The following STOX2 variants were observed in gnomAD, a reference collection of about 807,000 sequenced individuals.
STOX2 encodes the protein storkhead box 2.
STOX2 carries 28 observed loss-of-function variants against 60.9 expected under a neutral mutation model. The observed-to-expected ratio is 0.46, with a 90% confidence interval of 0.34 to 0.63. The LOEUF (loss-of-function observed/expected upper bound fraction) is 0.63, where lower values mean the gene tolerates loss of function less well. Among genes scored for constraint, STOX2 ranks in the 30% least tolerant of loss-of-function variants. The pLI is 0.01. For missense variants in STOX2, 1,024 were observed against 1,187.7 expected, an observed-to-expected ratio of 0.86 and a Z score of 2.03; for synonymous variants, 472 against 463.9, an observed-to-expected ratio of 1.02 and a Z score of -0.22.
chr4:183,842,163 T>G (rs1345455459), intron 1 of STOX2, among the ~76,000 whole-genome samples: 1 of 152,230 alleles, frequency 6.6e-6, no homozygotes, highest in Non-Finnish European at 1.5e-5. Context: ...GAGACCAGTC[T>G]TCTTACTGGC....
chr4:183,982,743 G>C (rs938204387), intron 1 of STOX2, among the ~76,000 whole-genome samples: 1 of 152,184 alleles, frequency 6.6e-6, no homozygotes, highest in Non-Finnish European at 1.5e-5. Context: ...TTTCATGTTG[G>C]AAATGTTGGA....
At chr4:183,812,414 C>G (rs1384907568) in intron 1 of STOX2, among the ~76,000 whole-genome samples, 1 of 152,130 alleles carries the variant, frequency 6.6e-6, no homozygotes, top group Admixed American at 6.5e-5. Flanking sequence ...TTAAAAATGT[C>G]TATGCAATTT....
intron 1 of STOX2, among the ~76,000 whole-genome samples, chr4:183,956,439 C>CATCCATCT (rs1553981707): frequency 2.7e-5 from 4 of 145,880 alleles, no homozygotes; most frequent in African/African-American, 5.2e-5. Flanking sequence ...TTCTATCATT[C>CATCCATCT]ATCTATCTAT....
intron 1 of STOX2, among the ~76,000 whole-genome samples, chr4:183,811,789 T>G (rs6820740): frequency 0.27 from 41,686 of 152,162 alleles, 6,689 homozygotes; most frequent in African/African-American, 0.45. Context: ...ATGAATACTT[T>G]AGATATGTCT....
In STOX2 at chr4:183,807,414, A is replaced by G. The variant is rs1246005820; in HGVS notation, c.364+9359A>G. ...GTGTGACCCCTTTGGGATGCTTTCC[A>G]CTCTTGGGACAGTCCTGCAGTCCTT... On this transcript the variant is annotated intron_variant, in intron 1 of 2. Transcript: ENST00000513034. Among the ~76,000 whole-genome samples the G allele has an allele frequency of 3.3e-5, 5 of 151,862 alleles. No individual in the cohort carries two copies. In the South Asian group the frequency reaches 8.3e-4, roughly 25 times the overall value.
chr4:183,816,491 C>A (rs1739157644), intron 1 of STOX2, among the ~76,000 whole-genome samples: 1 of 152,012 alleles, frequency 6.6e-6, no homozygotes, highest in Admixed American at 6.5e-5. Context: ...ACATCAGATA[C>A]CCTAAAAGGA....
intron 1 of STOX2, among the ~76,000 whole-genome samples, chr4:183,829,215 G>T (rs980071458): frequency 1.3e-5 from 2 of 152,168 alleles, no homozygotes; most frequent in African/African-American, 4.8e-5. Flanking sequence ...AATTATATTT[G>T]AGGCATTTAG....
chr4:183,976,607 T>C (rs1450391847), intron 1 of STOX2, among the ~76,000 whole-genome samples: 1 of 152,148 alleles, frequency 6.6e-6, no homozygotes, highest in African/African-American at 2.4e-5. Flanking sequence ...TGTGGGGTAC[T>C]ATGCTCACTA....
intron 1 of STOX2, among the ~76,000 whole-genome samples, chr4:183,818,139 C>T (rs774663354): frequency 2.7e-5 from 4 of 147,384 alleles, no homozygotes; most frequent in South Asian, 2.1e-4. Flanking sequence ...GGGTGTTTCT[C>T]GCAGAGGGGG....
At chr4:183,986,674 G>A (rs760407842) in intron 1 of STOX2, among the ~76,000 whole-genome samples, 10 of 152,232 alleles carry the variant, frequency 6.6e-5, no homozygotes, top group African/African-American at 1.9e-4. Flanking sequence ...GGGTGATGGC[G>A]CAGAAGCGGG....
At chr4:183,993,289 G>T (rs771378579) in intron 1 of STOX2, among the ~76,000 whole-genome samples, 5 of 152,224 alleles carry the variant, frequency 3.3e-5, no homozygotes, top group Admixed American at 1.3e-4. Flanking sequence ...AGCTTCTTCT[G>T]TAGACCAATG....
chr4:183,904,002 C>G (rs1261772830), upstream of STOX2, among the ~76,000 whole-genome samples: 1 of 152,202 alleles, frequency 6.6e-6, no homozygotes, highest in African/African-American at 2.4e-5. Flanking sequence ...GCTTGTTTTC[C>G]TGCAACTAGA....
intron 1 of STOX2, among the ~76,000 whole-genome samples, chr4:183,829,527 C>T (rs957244472): frequency 2.6e-5 from 4 of 152,190 alleles, no homozygotes; most frequent in Non-Finnish European, 5.9e-5. Context: ...ATTCCCTTTG[C>T]ATTTGGTGGC....
chr4:183,944,609 G>A (rs1272605189), intron 1 of STOX2, among the ~76,000 whole-genome samples: 1 of 152,166 alleles, frequency 6.6e-6, no homozygotes, highest in Non-Finnish European at 1.5e-5. Context: ...AGCTACTTGG[G>A]AGGCTGAGCC....
rs12505915 is a variant in STOX2, at chr4:183,836,218, G to A, written c.364+38163G>A. On this transcript the variant is annotated intron_variant, in intron 1 of 2. Transcript: ENST00000513034. The surrounding 1 kb of genome is among the most constrained non-coding windows in gnomAD (Gnocchi z 4.1). ...CCCATTGTGAGAGTCATTGACTTTG[G>A]TATTTGTTGTTTGGACTCTCCTTCT... Among the ~76,000 whole-genome samples, 1,883 of 152,190 alleles carry A rather than the reference G, an allele frequency of 0.012. 39 individuals carry two copies. Among genetic ancestry groups the A allele is most frequent in the Admixed American group, 0.064 (983 of 15,296 alleles).
intron 3 of STOX2, among the ~76,000 whole-genome samples, chr4:184,016,839 CAA>C (rs1734394947): frequency 6.6e-6 from 1 of 152,174 alleles, no homozygotes; most frequent in East Asian, 1.9e-4. Context: ...GAAGACATTT[CAA>C]AGTGCATTTA....
rs1740535201 is a variant in STOX2 at position 183,865,160 on chromosome 4, G to A, written c.364+67105G>A. 6.6e-6 allele frequency among the ~76,000 whole-genome samples: 1 copy of A among 152,156 alleles called. No homozygotes were observed. The highest frequency in any genetic ancestry group is 2.1e-4 in the South Asian group (1 of 4,828). The stretch of plus-strand genomic sequence containing the variant: ...CACATATGTACTGTCTCTGCTACTT[G>A]AGGCTCACACCTGTATGTGCATTTG... On this transcript the variant is annotated intron_variant, in intron 1 of 2. Coordinates refer to the STOX2 transcript ENST00000513034. The surrounding 1 kb of genome is among the most constrained non-coding windows in gnomAD (Gnocchi z 4.1).
intron 1 of STOX2, among the ~76,000 whole-genome samples, chr4:183,864,550 T>C (rs1021041315): frequency 2.6e-5 from 4 of 152,042 alleles, no homozygotes; most frequent in Admixed American, 6.5e-5. Flanking sequence ...CCCACCACCA[T>C]GCCTGGCTAA....
At chr4:183,807,016 A>G (rs1258603087) in intron 1 of STOX2, among the ~76,000 whole-genome samples, 1 of 151,600 alleles carries the variant, frequency 6.6e-6, no homozygotes, top group Admixed American at 6.6e-5. Flanking sequence ...TCTGTCGCCC[A>G]GGCTGGAGTG....
Sources: allele counts gnomAD v4.1 joint callset (sites outside exome capture counted in the v4.1 genomes callset), GRCh38; gene constraint gnomAD v4.1.1; non-coding constraint Gnocchi (gnomAD v3.1); transcripts MANE v1.5; gene names NCBI Gene and HGNC (gene_info 2026-07-23, HGNC 2026-07-21).